Variants in ZBTB5 observed in about 807,000 individuals in gnomAD.
The protein encoded by ZBTB5 is zinc finger and BTB domain-containing protein 5.
ZBTB5 carries 15 observed loss-of-function variants against 37.9 expected under a neutral mutation model. The ratio of observed to expected loss-of-function variants is 0.40; its 90% CI spans 0.26 to 0.61. The LOEUF is 0.61. Among genes scored for constraint, ZBTB5 ranks in the 20% least tolerant of loss-of-function variants. ZBTB5 has a pLI of 0.47. For missense variants in ZBTB5, 708 were observed against 856.8 expected (o/e 0.83, Z 2.17); for synonymous variants, 315 against 312.4 (o/e 1.01, Z -0.09).
intron 1 of ZBTB5, among the ~76,000 whole-genome samples, chr9:37,462,538 T>C (rs1824312732): frequency 6.6e-6 from 1 of 151,930 alleles, no homozygotes; most frequent in Non-Finnish European, 1.5e-5. Context: ...GTGCCCACCT[T>C]TGAGTGGTGT....
chr9:37,456,959 A>G (rs1338737408), intron 1 of ZBTB5, among the ~76,000 whole-genome samples: 2 of 152,260 alleles, frequency 1.3e-5, no homozygotes, highest in African/African-American at 4.8e-5. Flanking sequence ...TCTCATAGGA[A>G]AGTCCCTTAA....
Position 37,447,697 on chromosome 9 carries a change from T to C in ZBTB5, c.-4-5142A>G, listed in dbSNP as rs1174814054. On this transcript the variant is annotated intron_variant, in intron 1 of 1. Transcript: ENST00000307750. ...AACAACAGTGGCAGGTGGGAATTAT[T>C]TTCCTGAGTTAATAGGTGAGGGGGG... Among the ~76,000 whole-genome samples, 6 of 152,326 alleles carry C rather than the reference T, an allele frequency of 3.9e-5. No individual in the cohort carries two copies. In the East Asian group the frequency reaches 9.6e-4, roughly 24 times the overall value.
intron 1 of ZBTB5, among the ~76,000 whole-genome samples, chr9:37,462,894 A>G (rs1824320400): frequency 1.3e-5 from 2 of 151,880 alleles, no homozygotes; most frequent in Non-Finnish European, 2.9e-5. Flanking sequence ...TCAGAAACCA[A>G]TCAGCACACA....
At chr9:37,460,082 G>A (rs571250339) in intron 1 of ZBTB5, among the ~76,000 whole-genome samples, 1 of 151,278 alleles carries the variant, frequency 6.6e-6, no homozygotes, top group Admixed American at 6.6e-5. Flanking sequence ...CTGACCTTGT[G>A]ATCTGCCTAC....
intron 1 of ZBTB5, among the ~76,000 whole-genome samples, chr9:37,462,752 C>T (rs144558194): frequency 0.018 from 2,741 of 152,126 alleles, 75 homozygotes; most frequent in African/African-American, 0.062. Flanking sequence ...TTAGTAGAGA[C>T]AGGGTTTCAC....
At chr9:37,446,229 T>TA in intron 1 of ZBTB5, among the ~76,000 whole-genome samples, 1 of 152,340 alleles carries the variant, frequency 6.6e-6, no homozygotes, top group South Asian at 2.1e-4. Context: ...AATTCACAAA[T>TA]ACCATCATGG....
chr9:37,446,255 C>T (rs1383221670), intron 1 of ZBTB5, among the ~76,000 whole-genome samples: 1 of 152,184 alleles, frequency 6.6e-6, no homozygotes, highest in African/African-American at 2.4e-5. Context: ...CATAAGAAGG[C>T]AGCATGGGTG....
rs1486724816 is a variant in ZBTB5 at position 37,441,364 on chromosome 9, T to C, written c.1188A>G (p.Glu396=). 3 of 1,614,134 alleles carry C rather than the reference T, an allele frequency of 1.9e-6. No individual in the cohort carries two copies. In the South Asian group the frequency reaches 3.3e-5, roughly 18 times the overall value. The part of the protein sequence containing the change: ...TDRVGDIHIL[E]VTNNLEHKST... ...ACTTATGCTCTAGGTTATTTGTGAC[T>C]TCCAAAATATGGATATCACCTACCC... The change falls in exon 2 of 2, where the codon GAA becomes GAG. Residue 396 remains glutamate, a synonymous_variant. Coordinates refer to ENST00000307750, the MANE Select transcript of ZBTB5 (RefSeq NM_014872.3).
At chr9:37,444,911 A>C (rs1249751795) in intron 1 of ZBTB5, among the ~76,000 whole-genome samples, 2 of 152,184 alleles carry the variant, frequency 1.3e-5, no homozygotes, top group Non-Finnish European at 2.9e-5. Context: ...GGAGAGCAAA[A>C]GCAGTCAGAC....
chr9:37,449,544 A>C (rs1348003651), intron 1 of ZBTB5, among the ~76,000 whole-genome samples: 1 of 152,126 alleles, frequency 6.6e-6, no homozygotes. Context: ...CTAAAAATGC[A>C]AAAATTAGTC....
At chr9:37,461,660 G>A (rs1054421996) in intron 1 of ZBTB5, among the ~76,000 whole-genome samples, 3 of 152,088 alleles carry the variant, frequency 2.0e-5, no homozygotes, top group South Asian at 2.1e-4. Context: ...CCCAGGAGGC[G>A]GAGGTTGCAG....
At position 37,439,064 on chromosome 9, in the gene ZBTB5, G is replaced by A. The variant is rs1823798317; in HGVS notation, c.*1454C>T. 1 of 152,238 alleles carries A rather than the reference G, an allele frequency of 6.6e-6. No individual in the cohort carries two copies. The highest frequency in any genetic ancestry group is 1.5e-5 in the Non-Finnish European group (1 of 68,034). The allele number at this position is 152,238 out of a possible 1,614,324, so 9.4% of individuals were successfully genotyped here. A position where few individuals can be genotyped will look rare whatever the true frequency, so the allele number is the denominator to read the frequency against. On this transcript the variant is annotated 3_prime_UTR_variant, in exon 2 of 2. Coordinates refer to ENST00000307750, the MANE Select transcript of ZBTB5 (RefSeq NM_014872.3). ...TGATTTATGAATGATGGTTTGGTAT[G>A]TCTAAGAAAGCTATATAAAACATAA...
chr9:37,446,524 CTT>C (rs1739568142), intron 1 of ZBTB5, among the ~76,000 whole-genome samples: 1 of 152,224 alleles, frequency 6.6e-6, no homozygotes, highest in Admixed American at 6.5e-5. Flanking sequence ...CTTTGATGAA[CTT>C]TCAACAACAA....
At position 37,440,322 on chromosome 9, in the gene ZBTB5, T is replaced by G; in HGVS notation, c.*196A>C. The G allele has an allele frequency of 1.7e-6, 1 of 575,324 alleles. No homozygotes were observed. Among genetic ancestry groups the G allele is most frequent in the South Asian group, 2.3e-5 (1 of 42,568 alleles). 35.6% of individuals were successfully genotyped at this position (575,324 alleles called of 1,614,324 possible). Reference sequence around the variant, plus strand: ...GAAGCACCTGGTTTCAGGGATTGCATCCCTTTCCCAAGACGTGCACTTCAC... The same window carrying G: ...GAAGCACCTGGTTTCAGGGATTGCAGCCCTTTCCCAAGACGTGCACTTCAC... On this transcript the variant is annotated 3_prime_UTR_variant, in exon 2 of 2. Transcript: ENST00000307750.
At chr9:37,459,415 G>A (rs979252106) in intron 1 of ZBTB5, among the ~76,000 whole-genome samples, 2 of 150,890 alleles carry the variant, frequency 1.3e-5, no homozygotes, top group African/African-American at 4.9e-5. Flanking sequence ...AGCCAAGATC[G>A]CACCACTGTA....
At position 37,442,362 on chromosome 9, in the gene ZBTB5, T is replaced by C. The variant is rs201074575; in HGVS notation, c.190A>G (p.Met64Val). 8 of 1,614,080 alleles carry C rather than the reference T, an allele frequency of 5.0e-6. No homozygotes were observed. The Admixed American group carries it at 8.3e-5, about 17-fold the overall frequency. ...SVAEGDQTMN[M>V]IQLDSEVVTA... is the part of the protein sequence containing the mutation. ...ACCACCTCGCTATCCAGCTGGATCA[T>C]GTTCATGGTCTGATCTCCTTCTGCC... is the stretch of plus-strand genomic sequence containing the variant. The change falls in exon 2 of 2, where the codon ATG becomes GTG. Residue 64 changes from methionine to valine, a missense_variant. Transcript: ENST00000307750.
At chr9:37,454,317 G>GGAGTTAAGTAATTTAAGA (rs1252933531) in intron 1 of ZBTB5, among the ~76,000 whole-genome samples, 2 of 152,150 alleles carry the variant, frequency 1.3e-5, no homozygotes, top group African/African-American at 2.4e-5. Flanking sequence ...ACAGAGCTCA[G>GGAGTTAAGTAATTTAAGA]GCTGAGTAAA....
Position 37,442,439 on chromosome 9 carries a change from T to TG in ZBTB5, c.112dup (p.His38ProfsTer32), listed in dbSNP as rs1337772381. ...GCTGCATGCTGCCAGCACGGAGCGG[T>TG]GGGCTTTAAAGTGTCTATTCCCCAC... On this transcript the variant is annotated frameshift_variant, in exon 2 of 2. Transcript: ENST00000307750. LOFTEE classifies it high-confidence loss of function. The TG allele has an allele frequency of 6.2e-7, 1 of 1,614,054 alleles. No individual in the cohort carries two copies.
chr9:37,449,001 G>A (rs953587607), intron 1 of ZBTB5, among the ~76,000 whole-genome samples: 5 of 151,922 alleles, frequency 3.3e-5, no homozygotes, highest in African/African-American at 4.8e-5. Context: ...CCAAGATCAC[G>A]CCACTGTACT....
Sources: gnomAD v4.1 joint callset for allele counts (sites outside exome capture counted in the v4.1 genomes callset) on GRCh38, gnomAD v4.1.1 for gene constraint, MANE v1.5 for transcripts, NCBI Gene and HGNC (gene_info 2026-07-23, HGNC 2026-07-21) for gene names.